SNRK: variants seen among roughly 807,000 people sequenced by gnomAD.
The protein encoded by SNRK is SNF-related serine/threonine-protein kinase.
In SNRK, 3 loss-of-function variants were observed where a neutral mutation model predicts 48.2. The ratio of observed to expected loss-of-function variants is 0.06; its 90% confidence interval spans 0.03 to 0.16. SNRK has a LOEUF of 0.16. Among genes scored for constraint, SNRK ranks in the 10% least tolerant of loss-of-function variants. The probability of loss-of-function intolerance (pLI) is 1.00; values close to 1 mark genes in which losing one functional copy is unlikely to be tolerated. For synonymous variants in SNRK, 376 were observed against 366.1 expected (o/e 1.03, Z -0.31); for missense variants, 627 against 976.0 (o/e 0.64, Z 4.76).
intron 5 of SNRK, among the ~76,000 whole-genome samples, chr3:43,341,490 A>G (rs2091237710): frequency 6.6e-6 from 1 of 152,238 alleles, no homozygotes; most frequent in Admixed American, 6.5e-5. Flanking sequence ...AATCAAAGAT[A>G]ATACAGAGGA....
At chr3:43,292,276 A>T (rs1227528692) in intron 1 of SNRK, among the ~76,000 whole-genome samples, 1 of 152,242 alleles carries the variant, frequency 6.6e-6, no homozygotes, top group Non-Finnish European at 1.5e-5. Flanking sequence ...GGAACTTTGT[A>T]GTGAACAATG....
At chr3:43,287,663 G>A (rs763618029) in intron 1 of SNRK, among the ~76,000 whole-genome samples, 4 of 152,204 alleles carry the variant, frequency 2.6e-5, no homozygotes, top group East Asian at 1.9e-4. Flanking sequence ...AGCATGGCTT[G>A]CAAGTGTTGG....
chr3:43,324,551 A>T (rs1167951258), intron 3 of SNRK, among the ~76,000 whole-genome samples: 1 of 151,982 alleles, frequency 6.6e-6, no homozygotes, highest in Non-Finnish European at 1.5e-5. Context: ...GGCATTAAAT[A>T]TGCACTGCTT....
At chr3:43,304,488 C>G (rs906627212) in intron 3 of SNRK, among the ~76,000 whole-genome samples, 5 of 152,186 alleles carry the variant, frequency 3.3e-5, no homozygotes, top group African/African-American at 1.2e-4. Flanking sequence ...TGTGCTCTTT[C>G]ACTTGTCAAG....
intron 3 of SNRK, among the ~76,000 whole-genome samples, chr3:43,327,358 C>T (rs936603029): frequency 1.3e-5 from 2 of 152,202 alleles, no homozygotes; most frequent in Non-Finnish European, 2.9e-5. Context: ...ATGTCAGTGT[C>T]TTGTGACCGT....
At chr3:43,341,150 G>T (rs924090923) in intron 5 of SNRK, among the ~76,000 whole-genome samples, 10 of 150,838 alleles carry the variant, frequency 6.6e-5, no homozygotes, top group Admixed American at 6.6e-4. Flanking sequence ...TTGTTTTTTT[G>T]TTTTTGTTTT....
intron 5 of SNRK, among the ~76,000 whole-genome samples, chr3:43,340,985 C>T (rs1421895596): frequency 6.6e-6 from 1 of 152,144 alleles, no homozygotes; most frequent in Non-Finnish European, 1.5e-5. Context: ...TCAGTGGTTG[C>T]ACTGTGCTAT....
chr3:43,332,221 C>G lies in SNRK; in HGVS notation c.642C>G (p.Pro214=), dbSNP rs1408951881. Residue 214 remains proline, a synonymous_variant, in exon 4 of 7, where the codon CCC becomes CCG. Transcript: ENST00000296088. ...TCATGTTGGTGTGTGGGCAGCCGCC[C>G]TTTCAAGAAGCCAATGACAGTGAAA... is the stretch of plus-strand genomic sequence containing the variant. ...ILFMLVCGQP[P]FQEANDSETL... 2 of 1,601,704 alleles carry G rather than the reference C, an allele frequency of 1.2e-6. No individual in the cohort carries two copies. The highest frequency in any genetic ancestry group is 1.7e-5 in the Admixed American group (1 of 58,112).
rs555134271 is a variant in SNRK at position 43,312,492 on chromosome 3, A to G, written c.589+8700A>G. ...AAACAAGGAATAGAGAGGAACATCA[A>G]CTTTATAAAGAGAATCTACAAAAAC... On this transcript the variant is annotated intron_variant, in intron 3 of 6. Coordinates refer to ENST00000296088, the MANE Select transcript of SNRK (RefSeq NM_017719.5). Among the ~76,000 whole-genome samples the G allele has an allele frequency of 1.6e-4, 24 of 152,212 alleles. No homozygotes were observed. In the South Asian group the frequency reaches 3.7e-3, roughly 24 times the overall value.
In SNRK at chr3:43,347,922, G is replaced by A. The variant is rs2091289905; in HGVS notation, c.1663G>A (p.Asp555Asn). 6.2e-7 allele frequency: 1 copy of A among 1,614,116 alleles called. No individual in the cohort carries two copies. The highest frequency in any genetic ancestry group is 1.1e-5 in the South Asian group (1 of 91,074). ...TGATTCTGAAAGCCGGCGGCGGCTCGATAAAGATAGCGGGTTCACCTACTC... is the reference window on the plus strand; with the variant it reads ...TGATTCTGAAAGCCGGCGGCGGCTCAATAAAGATAGCGGGTTCACCTACTC... ...DDDSESRRRL[D>N]KDSGFTYSWH... Residue 555 changes from aspartate (D) to asparagine (N), a missense_variant, in exon 7 of 7, where the codon GAT becomes AAT. By Grantham distance (23) the Asp-to-Asn change is conservative. Coordinates refer to ENST00000296088, the MANE Select transcript of SNRK (RefSeq NM_017719.5). The surrounding 1 kb of genome is among the most constrained non-coding windows in gnomAD (Gnocchi z 5.4).
At chr3:43,314,876 T>C (rs2091003303) in intron 3 of SNRK, 1 of 151,532 alleles carries the variant, frequency 6.6e-6, no homozygotes, top group East Asian at 1.9e-4. Context: ...CTCCATCTCT[T>C]AAAAAAAAAT....
At chr3:43,308,901 C>G (rs967337186) in intron 3 of SNRK, among the ~76,000 whole-genome samples, 4 of 152,284 alleles carry the variant, frequency 2.6e-5, no homozygotes, top group African/African-American at 9.6e-5. Context: ...AAAGGATGCA[C>G]CATTAAGTAC....
chr3:43,337,766 A>G (rs550300496), intron 4 of SNRK, among the ~76,000 whole-genome samples: 18 of 152,308 alleles, frequency 1.2e-4, no homozygotes, highest in African/African-American at 4.3e-4. Context: ...AGGAAAAGGA[A>G]CTTAGGAGAA....
At chr3:43,309,823 C>T (rs2125624540) in intron 3 of SNRK, among the ~76,000 whole-genome samples, 1 of 152,104 alleles carries the variant, frequency 6.6e-6, no homozygotes, top group African/African-American at 2.4e-5. Context: ...ACTATGTTGC[C>T]TGGGCTGGTC....
At chr3:43,336,319 C>T (rs73075063) in intron 4 of SNRK, among the ~76,000 whole-genome samples, 27,662 of 150,068 alleles carry the variant, frequency 0.18, 3,081 homozygotes, top group Middle Eastern at 0.35. Flanking sequence ...TCCCTCTGTC[C>T]GCCTTCCCTC....
chr3:43,320,010 G>T lies in SNRK; in HGVS notation c.590-12159G>T, dbSNP rs951570691. ...ATGAGGTTGAGAAACAAGTGGACCC[G>T]CAACTATTTGGATGAACACAAACAG... On this transcript the variant is annotated intron_variant, in intron 3 of 6. Transcript: ENST00000296088. Among the ~76,000 whole-genome samples the T allele has an allele frequency of 2.0e-5, 3 of 152,168 alleles. No homozygotes were observed. The East Asian group carries it at 5.8e-4, about 29-fold the overall frequency.
chr3:43,299,250 T>C (rs186441748), intron 1 of SNRK, among the ~76,000 whole-genome samples: 7 of 152,336 alleles, frequency 4.6e-5, no homozygotes, highest in African/African-American at 1.4e-4. Flanking sequence ...CCATCTCGGC[T>C]CATTGCAACC....
intron 6 of SNRK, chr3:43,346,784 TGGA>T (rs1054023149): frequency 7.1e-4 from 108 of 152,274 alleles, no homozygotes; most frequent in African/African-American, 2.5e-3. Flanking sequence ...TTTTTTTAAT[TGGA>T]GAAGAGATTT....
At chr3:43,317,333 A>G (rs1309071529) in intron 3 of SNRK, among the ~76,000 whole-genome samples, 2 of 152,128 alleles carry the variant, frequency 1.3e-5, no homozygotes, top group Non-Finnish European at 2.9e-5. Flanking sequence ...TGAGAGGAGG[A>G]TCTGGGGCTT....
Sources: gnomAD v4.1 joint callset for allele counts (sites outside exome capture counted in the v4.1 genomes callset) on GRCh38, gnomAD v4.1.1 for gene constraint, Gnocchi (gnomAD v3.1) non-coding constraint, MANE v1.5 for transcripts, NCBI Gene and HGNC (gene_info 2026-07-23, HGNC 2026-07-21) for gene names.